Variants in FARP1 observed in about 807,000 individuals in gnomAD.
The protein encoded by FARP1 is FERM, ARHGEF and pleckstrin domain-containing protein 1.
Under a neutral mutation model 128.8 loss-of-function variants are expected in FARP1, and 52 were observed. That is an observed-to-expected ratio of 0.40 (90% CI 0.32 to 0.51). The LOEUF (loss-of-function observed/expected upper bound fraction) is 0.51, where lower values mean the gene tolerates loss of function less well. FARP1 is among the 20% of genes least tolerant of loss of function. The pLI, the probability that FARP1 is intolerant of heterozygous loss-of-function variation, is 0.45. For synonymous variants in FARP1, 580 were observed against 551.8 expected (o/e 1.05, Z -0.72); for missense variants, 1,333 against 1,367.9 (o/e 0.97, Z 0.40).
chr13:98,322,557 CCG>C (rs1210515612), intron 2 of FARP1, among the ~76,000 whole-genome samples: 100 of 85,090 alleles, frequency 1.2e-3, no homozygotes, highest in African/African-American at 3.9e-3. Context: ...TGCTCCTTAG[CCG>C]TCAGTGCTCC....
chr13:98,244,876 A>G, intron 2 of FARP1: 1 of 1,435,190 alleles, frequency 7.0e-7, no homozygotes, highest in South Asian at 1.5e-5. Flanking sequence ...AGCTGCATAC[A>G]GAGGGGCCCA....
intron 10 of FARP1, chr13:98,390,584 T>G (rs1890269053): frequency 5.8e-6 from 3 of 513,722 alleles, no homozygotes; most frequent in Admixed American, 3.5e-5. Context: ...TCAAGTGGGC[T>G]TAGTTAATTG....
intron 26 of FARP1, 29 bp from the exon 27 acceptor site, chr13:98,448,207 G>A (rs1892981876): frequency 6.2e-7 from 1 of 1,600,242 alleles, no homozygotes; most frequent in South Asian, 1.1e-5. Context: ...CAAACAAAAG[G>A]TTGACTAACT....
At chr13:98,441,275 C>T (rs1208933481) in intron 24 of FARP1, among the ~76,000 whole-genome samples, 1 of 152,224 alleles carries the variant, frequency 6.6e-6, no homozygotes, top group Non-Finnish European at 1.5e-5. Context: ...CAGGTGCCAG[C>T]TCCTCCCCAT....
At chr13:98,401,465 T>C (rs1890768910) in intron 13 of FARP1, 1 of 53,264 alleles carries the variant, frequency 1.9e-5, no homozygotes, top group Non-Finnish European at 3.9e-5. Context: ...GGCCTGGAGT[T>C]GTAGACATCA....
intron 2 of FARP1, among the ~76,000 whole-genome samples, chr13:98,296,257 C>G (rs1885681659): frequency 6.6e-6 from 1 of 152,162 alleles, no homozygotes; most frequent in Non-Finnish European, 1.5e-5. Context: ...GTCACCTTCT[C>G]CAGCCTCACC....
intron 13 of FARP1, chr13:98,402,424 T>C (rs1451703992): frequency 1.3e-5 from 2 of 152,244 alleles, no homozygotes; most frequent in Non-Finnish European, 2.9e-5. Flanking sequence ...TGAATCAGGA[T>C]TGATAGCTGG....
At chr13:98,168,096 C>T (rs1002821058) in intron 1 of FARP1, among the ~76,000 whole-genome samples, 29 of 151,420 alleles carry the variant, frequency 1.9e-4, no homozygotes, top group African/African-American at 6.6e-4. Context: ...GGTGTGAACC[C>T]GGGAGGTGGA....
intron 3 of FARP1, among the ~76,000 whole-genome samples, chr13:98,346,727 A>G (rs1888194304): frequency 6.6e-6 from 1 of 152,098 alleles, no homozygotes; most frequent in Non-Finnish European, 1.5e-5. Flanking sequence ...TTTGGGTGAC[A>G]GAGTGAGATT....
At chr13:98,157,287 C>G (rs1162703046) in intron 1 of FARP1, among the ~76,000 whole-genome samples, 5 of 152,060 alleles carry the variant, frequency 3.3e-5, no homozygotes. Context: ...CATTTTATTT[C>G]CCAGCCTCCT....
At chr13:98,287,962 C>T (rs140438480) in intron 2 of FARP1, among the ~76,000 whole-genome samples, 4,532 of 152,072 alleles carry the variant, frequency 0.03, 113 homozygotes, top group Middle Eastern at 0.11. Flanking sequence ...CCACCATGCC[C>T]GGCTAATTTT....
At chr13:98,157,571 A>G (rs1876580116) in intron 1 of FARP1, among the ~76,000 whole-genome samples, 1 of 152,088 alleles carries the variant, frequency 6.6e-6, no homozygotes, top group African/African-American at 2.4e-5. Flanking sequence ...TGGTTATTTG[A>G]GCACTAACAT....
chr13:98,335,518 A>G (rs1887702755), intron 2 of FARP1, among the ~76,000 whole-genome samples: 1 of 152,190 alleles, frequency 6.6e-6, no homozygotes. Context: ...ATGGGAATCT[A>G]CAATTCAAGA....
intron 16 of FARP1, among the ~76,000 whole-genome samples, chr13:98,417,455 G>GAAAAAAAAAAAAAAAAA (rs869304302): frequency 3.4e-5 from 2 of 58,452 alleles, no homozygotes; most frequent in Non-Finnish European, 6.7e-5. Flanking sequence ...CCAGAGGTTT[G>GAAAAAAAAAAAAAAAAA]AAAAAAAAAA....
At chr13:98,143,021 T>G (rs1254707474), upstream of FARP1, 2 of 147,654 alleles carry the variant, frequency 1.4e-5, no homozygotes, top group Non-Finnish European at 3.0e-5. Flanking sequence ...GCGTCCCCGC[T>G]GCTCGGGCTG....
At chr13:98,373,139 C>T (rs1329739226) in intron 5 of FARP1, among the ~76,000 whole-genome samples, 2 of 152,128 alleles carry the variant, frequency 1.3e-5, no homozygotes, top group Non-Finnish European at 2.9e-5. Context: ...CTTGTGCTCT[C>T]CCAGTAAACG....
At chr13:98,181,295 T>A (rs1878492222) in intron 1 of FARP1, among the ~76,000 whole-genome samples, 1 of 152,202 alleles carries the variant, frequency 6.6e-6, no homozygotes, top group Non-Finnish European at 1.5e-5. Context: ...ATCCTGGCGC[T>A]GTGACCGACA....
intron 2 of FARP1, among the ~76,000 whole-genome samples, chr13:98,272,101 C>T (rs2389985): frequency 0.033 from 5,016 of 152,122 alleles, 106 homozygotes; most frequent in African/African-American, 0.043. Context: ...GCGATCTTGG[C>T]TCACTGCAAC....
chr13:98,265,777 T>C (rs1198751917), intron 2 of FARP1, among the ~76,000 whole-genome samples: 3 of 152,204 alleles, frequency 2.0e-5, no homozygotes, highest in East Asian at 1.9e-4. Flanking sequence ...CTCATGTATA[T>C]GGGGCTTCTG....
Sources: allele counts gnomAD v4.1 joint callset (sites outside exome capture counted in the v4.1 genomes callset), GRCh38; gene constraint gnomAD v4.1.1; transcripts MANE v1.5; gene names NCBI Gene and HGNC (gene_info 2026-07-23, HGNC 2026-07-21).